Variants in ZNF768 observed in about 807,000 individuals in gnomAD.
ZNF768 encodes the protein zinc finger protein 768.
In ZNF768, 12 loss-of-function variants were observed where a neutral mutation model predicts 39.7. The ratio of observed to expected loss-of-function variants is 0.30; its 90% CI spans 0.19 to 0.49. The LOEUF (loss-of-function observed/expected upper bound fraction) is 0.49. ZNF768 is among the 20% of genes least tolerant of loss of function. The pLI, the probability that ZNF768 is intolerant of heterozygous loss-of-function variation, is 0.99. For synonymous variants in ZNF768, 360 were observed against 288.4 expected (o/e 1.25, Z -2.52); for missense variants, 613 against 723.2 (o/e 0.85, Z 1.75).
At chr16:30,527,090 A>T, upstream of ZNF768, 3 of 985,216 alleles carry the variant, frequency 3.0e-6, no homozygotes, top group Non-Finnish European at 2.4e-6. Context: ...AGCGAGACCA[A>T]GGTCAGCGAG....
chr16:30,532,370 A>G, the ZNF768 span: 1 of 1,067,306 alleles, frequency 9.4e-7, no homozygotes, highest in South Asian at 1.5e-5. Context: ...GCCCAAGATC[A>G]GACTGTCCGC....
At chr16:30,526,930 G>A (rs370676071), upstream of ZNF768, 1 of 985,446 alleles carries the variant, frequency 1.0e-6, no homozygotes, top group Non-Finnish European at 1.2e-6. Flanking sequence ...GCCCGGCCAC[G>A]GGGTGGGTGA....
rs1437690278 is a variant in ZNF768 at position 30,526,314 on chromosome 16, C to T, written c.88+12G>A. Reference sequence around the variant, plus strand: ...CGCAAGTCCACTCCTCGGACGGGCGCTCCCTCCTCACCTCTGAGGTACCCT... The same window carrying T: ...CGCAAGTCCACTCCTCGGACGGGCGTTCCCTCCTCACCTCTGAGGTACCCT... On this transcript the variant is annotated intron_variant, in intron 1 of 1. Coordinates refer to ENST00000380412, the MANE Select transcript of ZNF768 (RefSeq NM_024671.4). 1.9e-6 allele frequency: 3 copies of T among 1,608,792 alleles called. No homozygotes were observed. The highest frequency in any genetic ancestry group is 2.3e-5 in the East Asian group (1 of 43,924).
At position 30,525,679 on chromosome 16, in the gene ZNF768, G is replaced by A. The variant is rs777085219; in HGVS notation, c.461C>T (p.Thr154Ile). The A allele has an allele frequency of 6.2e-7, 1 of 1,614,242 alleles. No individual in the cohort carries two copies. The highest frequency in any genetic ancestry group is 1.7e-5 in the Admixed American group (1 of 60,026). The change falls in exon 2 of 2, where the codon ACT becomes ATT. Residue 154 changes from threonine (T) to isoleucine (I), a missense_variant. Thr to Ile is a moderately conservative substitution (Grantham distance 89, BLOSUM62 -1). Transcript: ENST00000380412. ...SESSRYESQN[T>I]ELKTQSPEFE... ...TTCTGGGCTTTGGGTTTTGAGCTCAGTGTTCTGGGATTCATATCTAGAGCT... is the reference window on the plus strand; with the variant it reads ...TTCTGGGCTTTGGGTTTTGAGCTCAATGTTCTGGGATTCATATCTAGAGCT...
chr16:30,525,476 C>A lies in ZNF768; in HGVS notation c.664G>T (p.Ala222Ser). Residue 222 changes from alanine (A) to serine (S), a missense_variant, in exon 2 of 2, where the codon GCC becomes TCC. Physicochemically the swap from Ala to Ser is moderately conservative, Grantham distance 99 (BLOSUM62 1). Around this residue, in one of 4 missense-constraint regions of ZNF768, gnomAD observed 347 missense variants for 326.1 expected, o/e 1.06. Coordinates refer to ENST00000380412, the MANE Select transcript of ZNF768 (RefSeq NM_024671.4). ...IGPPFEMPTG[A>S]LLSTPQFEML... Reference sequence around the variant, plus strand: ...TCAAACTGCGGTGTAGACAGCAGGGCCCCTGTGGGCATCTCAAAAGGTGGC... The same window carrying A: ...TCAAACTGCGGTGTAGACAGCAGGGACCCTGTGGGCATCTCAAAAGGTGGC... The A allele has an allele frequency of 6.2e-7, 1 of 1,614,126 alleles. No individual in the cohort carries two copies. The highest frequency in any genetic ancestry group is 8.5e-7 in the Non-Finnish European group (1 of 1,180,030).
upstream of ZNF768, chr16:30,527,554 C>A (rs1425066719): frequency 2.5e-5 from 4 of 157,466 alleles, no homozygotes; most frequent in East Asian, 5.8e-4. Flanking sequence ...GGGTCCGCCT[C>A]CCCTGTCGGC....
Position 30,524,969 on chromosome 16 carries a change from G to A in ZNF768, c.1171C>T (p.His391Tyr). The A allele has an allele frequency of 6.2e-7, 1 of 1,613,910 alleles. No individual in the cohort carries two copies. Among genetic ancestry groups the A allele is most frequent in the Non-Finnish European group, 8.5e-7 (1 of 1,179,962 alleles). ...CYSQNSSLRSHQRVHTGQRPF... is the reference protein window; with the variant it reads ...CYSQNSSLRSYQRVHTGQRPF... ...CTCTGACCGGTGTGCACCCTCTGAT[G>A]GCTGCGCAGGGACGAGTTCTGGCTA... The change falls in exon 2 of 2, where the codon CAT (histidine) becomes TAT (tyrosine). Residue 391 changes from histidine (H) to tyrosine (Y), a missense_variant. By Grantham distance (83) the His-to-Tyr change is moderately conservative. Transcript: ENST00000380412.
upstream of ZNF768, chr16:30,531,582 G>A (rs1432371427): frequency 1.3e-5 from 2 of 152,116 alleles, no homozygotes; most frequent in Non-Finnish European, 2.9e-5. Flanking sequence ...GAACCGAGGA[G>A]TTTGAGACCA....
intron 1 of ZNF768, 62 bp from the exon 2 acceptor site, chr16:30,526,113 C>T (rs2051321192): frequency 6.7e-7 from 1 of 1,492,668 alleles, no homozygotes. Context: ...CATTAGCAAC[C>T]ACACACCTCC....
At chr16:30,532,015 G>C in the ZNF768 span, 1 of 173,930 alleles carries the variant, frequency 5.7e-6, no homozygotes, top group South Asian at 1.1e-4. Context: ...GGGCATAGTG[G>C]CAGGTGCCTG....
At position 30,524,191 on chromosome 16, in the gene ZNF768, T is replaced by C. The variant is rs879071690; in HGVS notation, c.*326A>G. 6.3e-6 allele frequency: 2 copies of C among 316,072 alleles called. No homozygotes were observed. The highest frequency in any genetic ancestry group is 5.1e-5 in the South Asian group (1 of 19,570). The allele number at this position is 316,072 out of a possible 1,614,324, so 19.6% of individuals were successfully genotyped here. A position where few individuals can be genotyped will look rare whatever the true frequency, so the allele number is the denominator to read the frequency against. ...CAGCTACCAATCTAAGCTAACCCAC[T>C]CTAATTAGGTAATCCCCTGCCCTCC... On this transcript the variant is annotated 3_prime_UTR_variant, in exon 2 of 2. Coordinates refer to ENST00000380412, the MANE Select transcript of ZNF768 (RefSeq NM_024671.4).
Position 30,525,896 on chromosome 16 carries a change from C to T in ZNF768, c.244G>A (p.Glu82Lys). Residue 82 changes from glutamate (E) to lysine (K), a missense_variant, in exon 2 of 2, where the codon GAA becomes AAA. Coordinates refer to ENST00000380412, the MANE Select transcript of ZNF768 (RefSeq NM_024671.4). ...FEPQSPRFEP[E>K]SPGFESRSPG... The stretch of plus-strand genomic sequence containing the variant: ...CTTCGGGACTCAAACCCCGGGCTTT[C>T]AGGCTCAAATCTGGGGCTTTGGGGT... 5 of 1,518,912 alleles carry T rather than the reference C, an allele frequency of 3.3e-6. No individual in the cohort carries two copies. The highest frequency in any genetic ancestry group is 3.5e-6 in the Non-Finnish European group (4 of 1,137,094). The allele number at this position is 1,518,912 out of a possible 1,614,324, so 94.1% of individuals were successfully genotyped here. A position where few individuals can be genotyped will look rare whatever the true frequency, so the allele number is the denominator to read the frequency against.
chr16:30,525,859 A>G lies in ZNF768; in HGVS notation c.281T>C (p.Val94Ala). Reference sequence around the variant, plus strand: ...GGGTGCAAACTCAGGGCTTGGGGGCACAAGCCCAGGGCTTCGGGACTCAAA... The same window carrying G: ...GGGTGCAAACTCAGGGCTTGGGGGCGCAAGCCCAGGGCTTCGGGACTCAAA... ...PGFESRSPGL[V>A]PPSPEFAPRS... is the part of the protein sequence containing the mutation. The change falls in exon 2 of 2, where the codon GTG becomes GCG. Residue 94 changes from valine to alanine, a missense_variant. Val to Ala is a moderately conservative substitution (Grantham distance 64, BLOSUM62 0). Around this residue, in one of 4 missense-constraint regions of ZNF768, gnomAD observed 347 missense variants for 326.1 expected, o/e 1.06. Transcript: ENST00000380412. The G allele has an allele frequency of 6.6e-7, 1 of 1,524,050 alleles. No homozygotes were observed. The highest frequency in any genetic ancestry group is 8.8e-7 in the Non-Finnish European group (1 of 1,140,312). The allele number at this position is 1,524,050 out of a possible 1,614,324, so 94.4% of individuals were successfully genotyped here.
Position 30,526,451 on chromosome 16 carries a change from G to A in ZNF768, c.-38C>T, listed in dbSNP as rs1182777194. ...CCAGTGCAGCGGCGGCGGCGATGGC[G>A]GCCGATCCCGCGACCCGGCCTCGGT... On this transcript the variant is annotated 5_prime_UTR_variant, in exon 1 of 2. Coordinates refer to ENST00000380412, the MANE Select transcript of ZNF768 (RefSeq NM_024671.4). 6 of 1,513,492 alleles carry A rather than the reference G, an allele frequency of 4.0e-6. No individual in the cohort carries two copies. Among genetic ancestry groups the A allele is most frequent in the Non-Finnish European group, 5.3e-6 (6 of 1,131,716 alleles). 93.8% of individuals were successfully genotyped at this position (1,513,492 alleles called of 1,614,324 possible).
upstream of ZNF768, chr16:30,527,344 G>C (rs1480221446): frequency 5.1e-6 from 5 of 978,574 alleles, no homozygotes; most frequent in Non-Finnish European, 6.1e-6. Context: ...CTCCCTCCTC[G>C]AGGGCTAGGA....
At chr16:30,528,459 C>T (rs2051346064), upstream of ZNF768, among the ~76,000 whole-genome samples, 2 of 152,136 alleles carry the variant, frequency 1.3e-5, no homozygotes, top group African/African-American at 4.8e-5. Context: ...GAGGCTGAGG[C>T]AGGAGAATCA....
In ZNF768 at chr16:30,525,078, G is replaced by C; in HGVS notation, c.1062C>G (p.Phe354Leu). The change falls in exon 2 of 2, where the codon TTC (phenylalanine) becomes TTG (leucine). Residue 354 changes from phenylalanine (F) to leucine (L), a missense_variant. By Grantham distance (22) the Phe-to-Leu change is conservative. Transcript: ENST00000380412. ...PYKCPHCGKA[F>L]GDSSYLLRHQ... is the part of the protein sequence containing the mutation. Reference sequence around the variant, plus strand: ...GTCGCAGGAGGTAGGAGCTGTCGCCGAAGGCCTTGCCACAATGTGGGCACT... The same window carrying C: ...GTCGCAGGAGGTAGGAGCTGTCGCCCAAGGCCTTGCCACAATGTGGGCACT... The C allele has an allele frequency of 6.2e-7, 1 of 1,614,156 alleles. No homozygotes were observed. Among genetic ancestry groups the C allele is most frequent in the Non-Finnish European group, 8.5e-7 (1 of 1,180,012 alleles).
chr16:30,524,667 G>C lies in ZNF768; in HGVS notation c.1473C>G (p.Gly491=). 1 of 1,612,924 alleles carries C rather than the reference G, an allele frequency of 6.2e-7. No individual in the cohort carries two copies. Among genetic ancestry groups the C allele is most frequent in the Non-Finnish European group, 8.5e-7 (1 of 1,179,842 alleles). The change falls in exon 2 of 2, where the codon GGC becomes GGG. Residue 491 remains glycine, a synonymous_variant. Transcript: ENST00000380412. Reference sequence around the variant, plus strand: ...GCGTGGAGGAGCGGCAGAAGCCCTTGCCGCACACGGCGCACCTGTAGGGCC... The same window carrying C: ...GCGTGGAGGAGCGGCAGAAGCCCTTCCCGCACACGGCGCACCTGTAGGGCC... The part of the protein sequence containing the change: ...GERPYRCAVC[G]KGFCRSSTLL...
rs1260655278 is a variant in ZNF768 at position 30,525,717 on chromosome 16, GCCAGGGCTCCGGGGTTCATAC to G, written c.402_422del (p.Pro137_Glu143del). 3 of 1,613,196 alleles carry G rather than the reference GCCAGGGCTCCGGGGTTCATAC, an allele frequency of 1.9e-6. No individual in the cohort carries two copies. The highest frequency in any genetic ancestry group is 1.7e-5 in the Admixed American group (1 of 59,838). On this transcript the variant is annotated inframe_deletion, in exon 2 of 2. Coordinates refer to ENST00000380412, the MANE Select transcript of ZNF768 (RefSeq NM_024671.4). ...CATATCTAGAGCTCTCAGATTCATA[GCCAGGGCTCCGGGGTTCATAC>G]CCGGGGCTCCGAGGTTCATAGCCAG...
Sources: allele counts gnomAD v4.1 joint callset (sites outside exome capture counted in the v4.1 genomes callset), GRCh38; gene constraint gnomAD v4.1.1; regional missense constraint gnomAD v4.1.1; transcripts MANE v1.5; gene names NCBI Gene and HGNC (gene_info 2026-07-23, HGNC 2026-07-21).